Variants in SPMIP4 observed in about 807,000 individuals in gnomAD.
SPMIP4 encodes sperm-associated microtubule inner protein 4.
the SPMIP4 span, among the ~76,000 whole-genome samples, chr7:25,176,066 T>C: frequency 1.3e-5 from 2 of 152,220 alleles, no homozygotes; most frequent in South Asian, 2.1e-4. The surrounding 1 kb of genome is among the most constrained non-coding windows in gnomAD (Gnocchi z 4.4). Flanking sequence ...TATACCTAGA[T>C]AGAGCTTCAA....
chr7:25,165,913 C>T, the SPMIP4 span, among the ~76,000 whole-genome samples: 10 of 152,162 alleles, frequency 6.6e-5, no homozygotes, highest in African/African-American at 2.2e-4. Flanking sequence ...GCTAGTTTCC[C>T]ACATTTGGAA....
At chr7:25,137,301 C>CT in the SPMIP4 span, among the ~76,000 whole-genome samples, 9,241 of 126,836 alleles carry the variant, frequency 0.073, 541 homozygotes, top group East Asian at 0.27. Flanking sequence ...GCTGAATTTT[C>CT]TTTTTTTTTT....
the SPMIP4 span, among the ~76,000 whole-genome samples, chr7:25,128,986 G>A: frequency 1.3e-5 from 2 of 152,348 alleles, no homozygotes; most frequent in South Asian, 2.1e-4. This position sits in a 1 kb window ranked among gnomAD's most constrained non-coding sequence, Gnocchi z 4.5. Flanking sequence ...CAGTTCTACC[G>A]TGGCTGAGCT....
At chr7:25,156,644 C>T in the SPMIP4 span, among the ~76,000 whole-genome samples, 1 of 152,036 alleles carries the variant, frequency 6.6e-6, no homozygotes, top group African/African-American at 2.4e-5. Flanking sequence ...GCTTCTAACA[C>T]CTGTCCCCAA....
At chr7:25,162,405 T>C in the SPMIP4 span, among the ~76,000 whole-genome samples, 4 of 151,120 alleles carry the variant, frequency 2.6e-5, no homozygotes, top group African/African-American at 4.9e-5. Context: ...TTAATAAAGA[T>C]AACACATAAA....
At chr7:25,165,341 CT>C in the SPMIP4 span, among the ~76,000 whole-genome samples, 1 of 152,194 alleles carries the variant, frequency 6.6e-6, no homozygotes, top group African/African-American at 2.4e-5. Flanking sequence ...AAGATTACAA[CT>C]GAACTAGACA....
chr7:25,176,934 T>C, the SPMIP4 span, among the ~76,000 whole-genome samples: 1 of 152,254 alleles, frequency 6.6e-6, no homozygotes, highest in Non-Finnish European at 1.5e-5. This position sits in a 1 kb window ranked among gnomAD's most constrained non-coding sequence, Gnocchi z 4.4. Context: ...GCTGAATCTG[T>C]GAGAATCAGT....
chr7:25,135,418 A>G, the SPMIP4 span: 5 of 985,566 alleles, frequency 5.1e-6, no homozygotes, highest in Non-Finnish European at 6.0e-6. Flanking sequence ...TGTTTACATA[A>G]AGGAACAGAG....
chr7:25,145,875 A>C, the SPMIP4 span, among the ~76,000 whole-genome samples: 1 of 152,238 alleles, frequency 6.6e-6, no homozygotes, highest in East Asian at 1.9e-4. Flanking sequence ...AATTGTCACT[A>C]AAATAACATG....
the SPMIP4 span, among the ~76,000 whole-genome samples, chr7:25,138,100 T>C: frequency 2.0e-5 from 3 of 152,172 alleles, no homozygotes; most frequent in Admixed American, 6.6e-5. This position sits in a 1 kb window ranked among gnomAD's most constrained non-coding sequence, Gnocchi z 6.2. Context: ...TTTTAAGTTA[T>C]GATCTTTTTA....
chr7:25,173,474 C>A, the SPMIP4 span, among the ~76,000 whole-genome samples: 3 of 152,178 alleles, frequency 2.0e-5, no homozygotes, highest in Admixed American at 6.5e-5. The surrounding 1 kb of genome is among the most constrained non-coding windows in gnomAD (Gnocchi z 4.4). Context: ...GGACAGAGAC[C>A]GTAAAGCCTA....
At chr7:25,159,699 T>C in the SPMIP4 span, among the ~76,000 whole-genome samples, 41 of 152,210 alleles carry the variant, frequency 2.7e-4, no homozygotes, top group Non-Finnish European at 5.0e-4. Context: ...TCATGAACTA[T>C]AAAAGTTTAT....
the SPMIP4 span, among the ~76,000 whole-genome samples, chr7:25,172,822 A>G: frequency 6.6e-6 from 1 of 152,098 alleles, no homozygotes; most frequent in African/African-American, 2.4e-5. This position sits in a 1 kb window ranked among gnomAD's most constrained non-coding sequence, Gnocchi z 4.2. Flanking sequence ...AAGAGTTGAT[A>G]TAGAATTCTA....
At chr7:25,150,831 G>A in the SPMIP4 span, among the ~76,000 whole-genome samples, 3 of 152,156 alleles carry the variant, frequency 2.0e-5, no homozygotes, top group Non-Finnish European at 4.4e-5. Context: ...TATTGAAAGG[G>A]TTAAATGATG....
the SPMIP4 span, among the ~76,000 whole-genome samples, chr7:25,174,835 T>A: frequency 6.6e-6 from 1 of 152,190 alleles, no homozygotes; most frequent in African/African-American, 2.4e-5. The surrounding 1 kb of genome is among the most constrained non-coding windows in gnomAD (Gnocchi z 4.5). Context: ...CCAGTTAAAT[T>A]TTCAACAGAA....
the SPMIP4 span, among the ~76,000 whole-genome samples, chr7:25,144,060 G>A: frequency 6.6e-6 from 1 of 152,182 alleles, no homozygotes; most frequent in Non-Finnish European, 1.5e-5. Context: ...GAGGCCAAAG[G>A]AACAGCAGGA....
At chr7:25,161,319 G>A in the SPMIP4 span, 9 of 922,974 alleles carry the variant, frequency 9.8e-6, 1 homozygote, top group East Asian at 2.5e-4. Flanking sequence ...ATATAATGGT[G>A]AGATAGTAAA....
At chr7:25,137,760 T>C in the SPMIP4 span, among the ~76,000 whole-genome samples, 3 of 152,172 alleles carry the variant, frequency 2.0e-5, no homozygotes, top group Non-Finnish European at 4.4e-5. Flanking sequence ...CATGACCTCA[T>C]TTTAACTTGA....
the SPMIP4 span, among the ~76,000 whole-genome samples, chr7:25,167,269 C>A: frequency 6.6e-6 from 1 of 152,204 alleles, no homozygotes; most frequent in African/African-American, 2.4e-5. Flanking sequence ...GGAGTCAATA[C>A]ATCTGGATTC....
Sources: allele counts gnomAD v4.1 joint callset (sites outside exome capture counted in the v4.1 genomes callset), GRCh38; gene constraint gnomAD v4.1.1; non-coding constraint Gnocchi (gnomAD v3.1); transcripts MANE v1.5; gene names NCBI Gene and HGNC (gene_info 2026-07-23, HGNC 2026-07-21).